The following TNNI3K variants were observed in gnomAD, a reference collection of about 807,000 sequenced individuals.
TNNI3K encodes serine/threonine-protein kinase TNNI3K.
A neutral mutation model predicts 114.5 loss-of-function variants in TNNI3K; 140 were observed. The ratio of observed to expected loss-of-function variants is 1.22; its 90% CI spans 1.07 to 1.41. TNNI3K has a LOEUF of 1.41. Among genes scored for constraint, TNNI3K ranks in the 40% most tolerant of loss-of-function variants. TNNI3K has a pLI of 0.00. For synonymous variants in TNNI3K, 347 were observed against 347.5 expected, an observed-to-expected ratio of 1.00 and a Z score of 0.02; for missense variants, 1,125 against 1,007.6, an observed-to-expected ratio of 1.12 and a Z score of -1.58.
At chr1:74,511,216 G>A (rs111313853) in intron 23 of TNNI3K, among the ~76,000 whole-genome samples, 27 of 144,582 alleles carry the variant, frequency 1.9e-4, no homozygotes, top group African/African-American at 7.0e-4. Flanking sequence ...TTCCGAGATG[G>A]AATTTCGCTC....
chr1:74,291,071 A>G (rs1344978814), intron 5 of TNNI3K, among the ~76,000 whole-genome samples: 1 of 151,630 alleles, frequency 6.6e-6, no homozygotes, highest in Non-Finnish European at 1.5e-5. Context: ...AACGACCACC[A>G]GTTTAAGAAG....
Position 74,353,139 on chromosome 1 carries a change from A to C in TNNI3K, c.933-127A>C, listed in dbSNP as rs143895180. On this transcript the variant is annotated intron_variant, in intron 9 of 24. Transcript: ENST00000326637. Reference sequence around the variant, plus strand: ...CTTTAAAGATACAATCCCTAAATACAGTCTCATTGTCAGGTTATGGGGGTT... The same window carrying C: ...CTTTAAAGATACAATCCCTAAATACCGTCTCATTGTCAGGTTATGGGGGTT... The C allele has an allele frequency of 6.3e-4, 607 of 961,510 alleles. 2 individuals carry two copies. The African/African-American group carries it at 8.0e-3, about 13-fold the overall frequency. 59.6% of individuals were successfully genotyped at this position (961,510 alleles called of 1,614,324 possible).
chr1:74,306,523 C>A (rs747638090), intron 5 of TNNI3K, among the ~76,000 whole-genome samples: 2 of 152,182 alleles, frequency 1.3e-5, no homozygotes, highest in Non-Finnish European at 2.9e-5. Flanking sequence ...CTTTTCTCTG[C>A]GTCCATGCCA....
At chr1:74,474,509 C>G (rs1354395989) in intron 21 of TNNI3K, among the ~76,000 whole-genome samples, 1 of 152,158 alleles carries the variant, frequency 6.6e-6, no homozygotes, top group Non-Finnish European at 1.5e-5. Flanking sequence ...TTTCTTGATA[C>G]AGCACCTCTG....
intron 19 of TNNI3K, among the ~76,000 whole-genome samples, chr1:74,437,420 G>GT (rs1274247005): frequency 1.3e-5 from 2 of 152,170 alleles, no homozygotes; most frequent in African/African-American, 4.8e-5. Flanking sequence ...ATCTCAGGCA[G>GT]TGATGAGTGT....
intron 10 of TNNI3K, 119 bp downstream of exon 10, chr1:74,353,479 A>G (rs1661491338): frequency 1.9e-6 from 2 of 1,043,958 alleles, no homozygotes; most frequent in Non-Finnish European, 2.8e-6. Flanking sequence ...AGGGTATTTT[A>G]TCAACTGCCA....
rs6685961 is a variant in TNNI3K at position 74,331,517 on chromosome 1, T to C, written c.512T>C (p.Leu171Ser). The C allele has an allele frequency of 1.6e-3, 2,614 of 1,613,740 alleles. 6 individuals are homozygous for C. Among genetic ancestry groups the C allele is most frequent in the South Asian group, 1.9e-3 (176 of 90,982 alleles). The change falls in exon 6 of 25, where the codon TTG becomes TCG. Residue 171 changes from leucine (L) to serine (S), a missense_variant. Coordinates refer to ENST00000326637, the MANE Select transcript of TNNI3K (RefSeq NM_015978.3). ...CAAGATGCAGTTTTTTTCACTCCATTGCATATTGCAGCGTACTATGGACAT... is the reference window on the plus strand; with the variant it reads ...CAAGATGCAGTTTTTTTCACTCCATCGCATATTGCAGCGTACTATGGACAT... Reference protein sequence around the residue: ...NIQDAVFFTPLHIAAYYGHEQ... With the variant: ...NIQDAVFFTPSHIAAYYGHEQ...
At chr1:74,414,633 A>C (rs1157988904) in intron 17 of TNNI3K, among the ~76,000 whole-genome samples, 1 of 152,234 alleles carries the variant, frequency 6.6e-6, no homozygotes, top group Admixed American at 6.5e-5. Flanking sequence ...CTACGTTGAA[A>C]AATATATCTG....
In TNNI3K at chr1:74,342,915, G is replaced by A. The variant is rs771059205; in HGVS notation, c.756G>A (p.Lys252=). 1.9e-6 allele frequency: 3 copies of A among 1,613,856 alleles called. No individual in the cohort carries two copies. The highest frequency in any genetic ancestry group is 1.6e-4 in the Middle Eastern group (1 of 6,062). ...GATTTGGACACCATGATATAGTTAAGTATCTGCTGCAAAGTGATTTGGAAG... is the reference window on the plus strand; with the variant it reads ...GATTTGGACACCATGATATAGTTAAATATCTGCTGCAAAGTGATTTGGAAG... ...CSRFGHHDIV[K]YLLQSDLEVQ... Residue 252 remains lysine (K), a synonymous_variant, in exon 8 of 25, where the codon AAG becomes AAA. Transcript: ENST00000326637.
chr1:74,267,035 G>A (rs1269280526), intron 4 of TNNI3K, among the ~76,000 whole-genome samples: 1 of 151,916 alleles, frequency 6.6e-6, no homozygotes, highest in African/African-American at 2.4e-5. Context: ...GGGTGCCTCT[G>A]TGTGTCACAT....
At chr1:74,247,790 T>A (rs113465300) in intron 2 of TNNI3K, among the ~76,000 whole-genome samples, 9,465 of 152,106 alleles carry the variant, frequency 0.062, 407 homozygotes, top group Non-Finnish European at 0.097. Context: ...CAGCTAGACA[T>A]AAAAGTTCTC....
chr1:74,380,531 C>A (rs1399964026), intron 17 of TNNI3K, among the ~76,000 whole-genome samples: 1 of 152,148 alleles, frequency 6.6e-6, no homozygotes, highest in East Asian at 1.9e-4. Flanking sequence ...CCCTCCTGAT[C>A]CTCTAAAACC....
intron 23 of TNNI3K, among the ~76,000 whole-genome samples, chr1:74,511,209 C>T (rs546133335): frequency 8.5e-4 from 117 of 136,878 alleles, no homozygotes; most frequent in African/African-American, 3.2e-3. Flanking sequence ...TTTTTTTTTC[C>T]GAGATGGAAT....
intron 23 of TNNI3K, among the ~76,000 whole-genome samples, chr1:74,497,058 C>T (rs1467530011): frequency 6.6e-6 from 1 of 152,148 alleles, no homozygotes; most frequent in Non-Finnish European, 1.5e-5. Flanking sequence ...AAGGGTCCAT[C>T]AAAGGTTTCT....
intron 17 of TNNI3K, chr1:74,374,415 T>C (rs1406252779): frequency 2.0e-5 from 3 of 151,906 alleles, no homozygotes; most frequent in Non-Finnish European, 4.4e-5. Flanking sequence ...ATAAGGAAAC[T>C]GACTAAAGAG....
intron 21 of TNNI3K, chr1:74,472,029 C>T (rs1328874695): frequency 4.3e-6 from 3 of 704,684 alleles, no homozygotes; most frequent in Non-Finnish European, 7.9e-6. Flanking sequence ...GCTCACAAGG[C>T]TTGGATGATG....
intron 4 of TNNI3K, among the ~76,000 whole-genome samples, chr1:74,262,430 A>AT (rs1348155746): frequency 1.3e-5 from 2 of 151,990 alleles, no homozygotes; most frequent in African/African-American, 4.8e-5. Flanking sequence ...ACTTAAATGG[A>AT]TTTTTTAAAT....
intron 2 of TNNI3K, among the ~76,000 whole-genome samples, chr1:74,242,241 A>C (rs1654281061): frequency 6.6e-6 from 1 of 152,216 alleles, no homozygotes; most frequent in African/African-American, 2.4e-5. Flanking sequence ...CAGTAATTAC[A>C]GTGCCTCACT....
At chr1:74,479,791 G>A (rs919468993) in intron 21 of TNNI3K, among the ~76,000 whole-genome samples, 1 of 152,188 alleles carries the variant, frequency 6.6e-6, no homozygotes, top group African/African-American at 2.4e-5. Context: ...CATAACAAAT[G>A]CACTAGTACT....
Sources: allele counts gnomAD v4.1 joint callset (sites outside exome capture counted in the v4.1 genomes callset), GRCh38; gene constraint gnomAD v4.1.1; transcripts MANE v1.5; gene names NCBI Gene and HGNC (gene_info 2026-07-23, HGNC 2026-07-21).